The following IGF1R variants were observed in gnomAD, a reference collection of about 807,000 sequenced individuals.
IGF1R encodes the protein insulin like growth factor 1 receptor.
Under a neutral mutation model 144.6 loss-of-function variants are expected in IGF1R, and 44 were observed. The ratio of observed to expected loss-of-function variants is 0.30; its 90% CI spans 0.24 to 0.39. IGF1R has a LOEUF of 0.39. IGF1R is among the 10% of genes least tolerant of loss of function. The probability of loss-of-function intolerance (pLI) is 1.00; values close to 1 mark genes in which losing one functional copy is unlikely to be tolerated. For synonymous variants in IGF1R, 795 were observed against 722.8 expected, an observed-to-expected ratio of 1.10 and a Z score of -1.60; for missense variants, 1,355 against 1,833.7, an observed-to-expected ratio of 0.74 and a Z score of 4.77.
intron 2 of IGF1R, among the ~76,000 whole-genome samples, chr15:98,718,522 C>T (rs2054174544): frequency 6.6e-6 from 1 of 152,194 alleles, no homozygotes; most frequent in African/African-American, 2.4e-5. Context: ...TGAGGGCAGC[C>T]AGTGTGACTG....
chr15:98,695,672 G>A (rs1596197334), intron 1 of IGF1R, among the ~76,000 whole-genome samples: 1 of 152,282 alleles, frequency 6.6e-6, no homozygotes, highest in African/African-American at 2.4e-5. Context: ...CAGCTCCACA[G>A]GAATCTTCAT....
chr15:98,716,942 G>A lies in IGF1R; in HGVS notation c.640+8835G>A, dbSNP rs1459772017. Among the ~76,000 whole-genome samples the A allele has an allele frequency of 6.6e-5, 10 of 152,130 alleles. No individual in the cohort carries two copies. In the South Asian group the frequency reaches 1.9e-3, roughly 28 times the overall value. Reference sequence around the variant, plus strand: ...TTACAATATTGTGGAGTCCGTGGGGGCAGAAGCTACCATCCTGTGCCTGCC... The same window carrying A: ...TTACAATATTGTGGAGTCCGTGGGGACAGAAGCTACCATCCTGTGCCTGCC... On this transcript the variant is annotated intron_variant, in intron 2 of 20. Coordinates refer to ENST00000650285, the MANE Select transcript of IGF1R (RefSeq NM_000875.5).
At chr15:98,729,491 T>C (rs576565777) in intron 2 of IGF1R, among the ~76,000 whole-genome samples, 1 of 152,208 alleles carries the variant, frequency 6.6e-6, no homozygotes, top group Non-Finnish European at 1.5e-5. Flanking sequence ...GTAGGTGTTA[T>C]CTGGACAATA....
chr15:98,784,124 G>A (rs544618948), intron 2 of IGF1R, among the ~76,000 whole-genome samples: 3 of 151,808 alleles, frequency 2.0e-5, no homozygotes, highest in Admixed American at 6.6e-5. Flanking sequence ...GCAGGCACCC[G>A]CAACCACACC....
intron 2 of IGF1R, among the ~76,000 whole-genome samples, chr15:98,715,756 T>C (rs1162651887): frequency 6.6e-6 from 1 of 152,140 alleles, no homozygotes; most frequent in Non-Finnish European, 1.5e-5. Context: ...GGACTCTGGC[T>C]ATAAAAGGTG....
At position 98,891,665 on chromosome 15, in the gene IGF1R, T is replaced by C. The variant is rs779108826; in HGVS notation, c.953+28T>C. On this transcript the variant is annotated intron_variant, in intron 3 of 20. Transcript: ENST00000650285. The surrounding 1 kb of genome is among the most constrained non-coding windows in gnomAD (Gnocchi z 4.7). ...CAGTCGCGGCCACACGTGTGGTCAC[T>C]ACCCGCCCCACCTCACCCGCCACCC... is the stretch of plus-strand genomic sequence containing the variant. 1.8e-4 allele frequency: 280 copies of C among 1,590,726 alleles called. No homozygotes were observed. The highest frequency in any genetic ancestry group is 2.3e-4 in the Non-Finnish European group (265 of 1,173,696).
At chr15:98,653,565 G>A (rs759493983) in intron 1 of IGF1R, among the ~76,000 whole-genome samples, 79 of 152,190 alleles carry the variant, frequency 5.2e-4, no homozygotes, top group Non-Finnish European at 9.7e-4. Flanking sequence ...AGGATACACT[G>A]TTTCAAGTAT....
chr15:98,871,059 G>A (rs1194426777), intron 2 of IGF1R, among the ~76,000 whole-genome samples: 1 of 152,226 alleles, frequency 6.6e-6, no homozygotes, highest in African/African-American at 2.4e-5. Context: ...CAAAGCCAGT[G>A]CTCTTTTCAA....
intron 2 of IGF1R, among the ~76,000 whole-genome samples, chr15:98,740,385 A>T (rs1037299728): frequency 1.3e-5 from 2 of 152,236 alleles, no homozygotes; most frequent in Non-Finnish European, 2.9e-5. Flanking sequence ...AAAAGCATTT[A>T]ACAGGTCAAG....
At chr15:98,777,986 A>G (rs1387335085) in intron 2 of IGF1R, among the ~76,000 whole-genome samples, 4 of 152,316 alleles carry the variant, frequency 2.6e-5, no homozygotes, top group East Asian at 3.9e-4. Context: ...TGATGTGTGT[A>G]CGGGGGTTAG....
chr15:98,907,726 C>G (rs772033325), intron 5 of IGF1R, among the ~76,000 whole-genome samples: 2 of 152,238 alleles, frequency 1.3e-5, no homozygotes, highest in African/African-American at 4.8e-5. Flanking sequence ...TGGACTTGTC[C>G]TGCCACCTGG....
At chr15:98,737,960 G>A (rs2054651315) in intron 2 of IGF1R, among the ~76,000 whole-genome samples, 2 of 152,122 alleles carry the variant, frequency 1.3e-5, no homozygotes, top group South Asian at 2.1e-4. Context: ...TCCCGCAGCC[G>A]TTCCCACTGC....
intron 1 of IGF1R, among the ~76,000 whole-genome samples, chr15:98,657,494 A>G (rs1486878109): frequency 2.6e-5 from 4 of 152,236 alleles, no homozygotes; most frequent in African/African-American, 4.8e-5. Context: ...TTAGTGGGAT[A>G]ATACACAAGC....
intron 5 of IGF1R, among the ~76,000 whole-genome samples, chr15:98,903,921 G>A (rs1411855050): frequency 6.6e-6 from 1 of 152,234 alleles, no homozygotes; most frequent in Non-Finnish European, 1.5e-5. Flanking sequence ...TGGCTGCAAG[G>A]AAGAGGTGGA....
intron 1 of IGF1R, among the ~76,000 whole-genome samples, chr15:98,690,896 A>G (rs923504705): frequency 6.6e-6 from 1 of 152,256 alleles, no homozygotes; most frequent in African/African-American, 2.4e-5. Context: ...TTTTTAAAAA[A>G]ACATTTAAAT....
At chr15:98,903,995 G>A (rs552783908) in intron 5 of IGF1R, among the ~76,000 whole-genome samples, 89 of 152,174 alleles carry the variant, frequency 5.8e-4, no homozygotes, top group African/African-American at 2.1e-3. Context: ...ACTGAGTAGT[G>A]GTGATGGTTG....
chr15:98,851,878 G>A (rs560955087), intron 2 of IGF1R, among the ~76,000 whole-genome samples: 41 of 152,348 alleles, frequency 2.7e-4, no homozygotes, highest in African/African-American at 9.4e-4. Context: ...GCCCCTCCCA[G>A]TGAGATCACA....
rs1555434208 is a variant in IGF1R, at chr15:98,707,828, G to A, written c.361G>A (p.Glu121Lys). Residue 121 changes from glutamate (E) to lysine (K), a missense_variant, in exon 2 of 21, where the codon GAG (glutamate) becomes AAG (lysine). Coordinates refer to ENST00000650285, the MANE Select transcript of IGF1R (RefSeq NM_000875.5). The surrounding 1 kb of genome is among the most constrained non-coding windows in gnomAD (Gnocchi z 6.7). ...CTACAACTACGCCCTGGTCATCTTC[G>A]AGATGACCAATCTCAAGGATATTGG... is the stretch of plus-strand genomic sequence containing the variant. ...LFYNYALVIF[E>K]MTNLKDIGLY... 1.2e-6 allele frequency: 2 copies of A among 1,614,158 alleles called. No individual in the cohort carries two copies. Among genetic ancestry groups the A allele is most frequent in the Non-Finnish European group, 1.7e-6 (2 of 1,180,022 alleles).
At chr15:98,939,890 G>A (rs2016302372) in intron 18 of IGF1R, among the ~76,000 whole-genome samples, 1 of 152,176 alleles carries the variant, frequency 6.6e-6, no homozygotes, top group African/African-American at 2.4e-5. Flanking sequence ...TGCTCACTGG[G>A]TTTCACGGCT....
Sources: allele counts gnomAD v4.1 joint callset (sites outside exome capture counted in the v4.1 genomes callset), GRCh38; gene constraint gnomAD v4.1.1; non-coding constraint Gnocchi (gnomAD v3.1); transcripts MANE v1.5; gene names NCBI Gene and HGNC (gene_info 2026-07-23, HGNC 2026-07-21).